Variants in VLDLR observed in about 807,000 individuals in gnomAD.
The protein encoded by VLDLR is very low-density lipoprotein receptor.
Under a neutral mutation model 112.7 loss-of-function variants are expected in VLDLR, and 81 were observed. The observed-to-expected ratio is 0.72, with a 90% CI of 0.60 to 0.86. The LOEUF is 0.86. Ranked by LOEUF, VLDLR falls within the 40% of genes least tolerant of loss-of-function variation. The pLI is 0.00. For synonymous variants in VLDLR, 436 were observed against 384.8 expected, an observed-to-expected ratio of 1.13 and a Z score of -1.56; for missense variants, 1,237 against 1,099.4, an observed-to-expected ratio of 1.13 and a Z score of -1.77.
Position 2,643,717 on chromosome 9 carries a change from G to A in VLDLR, c.910G>A (p.Val304Ile). Residue 304 changes from valine to isoleucine, a missense_variant, in exon 6 of 19, where the codon GTC (valine) becomes ATC (isoleucine). By Grantham distance (29) the Val-to-Ile change is conservative (BLOSUM62 3). Coordinates refer to ENST00000382100, the MANE Select transcript of VLDLR (RefSeq NM_003383.5). ...GCAGTGTAATGGTATCCGAGACTGT[G>A]TCGATGGTTCCGATGAAGTCAACTG... ...SRQCNGIRDC[V>I]DGSDEVNCKN... 1.2e-6 allele frequency: 2 copies of A among 1,614,212 alleles called. No homozygotes were observed. The highest frequency in any genetic ancestry group is 1.7e-6 in the Non-Finnish European group (2 of 1,180,032).
chr9:2,642,066 G>A (rs1173575898), intron 4 of VLDLR, among the ~76,000 whole-genome samples: 2 of 151,616 alleles, frequency 1.3e-5, no homozygotes, highest in Non-Finnish European at 2.9e-5. Flanking sequence ...GTCTCCTGTT[G>A]CAGTTCCTGT....
At chr9:2,636,170 A>T (rs933809911) in intron 2 of VLDLR, among the ~76,000 whole-genome samples, 3 of 152,222 alleles carry the variant, frequency 2.0e-5, no homozygotes, top group Non-Finnish European at 4.4e-5. Flanking sequence ...ACTGTGAGAA[A>T]TGCCTATGTA....
At position 2,643,766 on chromosome 9, in the gene VLDLR, T is replaced by G; in HGVS notation, c.943+16T>G. On this transcript the variant is annotated intron_variant, in intron 6 of 18. Coordinates refer to ENST00000382100, the MANE Select transcript of VLDLR (RefSeq NM_003383.5). ...TGCAAAAATGGTAAGGGTTTCTTCT[T>G]GTTGGTTAAGCAATGGATTGCTCTG... The G allele has an allele frequency of 6.2e-7, 1 of 1,614,256 alleles. No homozygotes were observed. The highest frequency in any genetic ancestry group is 8.5e-7 in the Non-Finnish European group (1 of 1,180,034).
chr9:2,626,961 G>C lies in VLDLR; in HGVS notation c.82+4690G>C, dbSNP rs137948945. On this transcript the variant is annotated intron_variant, in intron 1 of 18. Coordinates refer to ENST00000382100, the MANE Select transcript of VLDLR (RefSeq NM_003383.5). The stretch of plus-strand genomic sequence containing the variant: ...CTGTATGTTCACTAAGTAGGTTGCA[G>C]ATTGATGTTGGTCATCTTTGTGCAT... 5.9e-4 allele frequency among the ~76,000 whole-genome samples: 90 copies of C among 152,348 alleles called. 2 individuals are homozygous for C. The East Asian group carries it at 0.014, about 24-fold the overall frequency.
chr9:2,642,823 C>A (rs149251118), intron 4 of VLDLR, among the ~76,000 whole-genome samples: 5 of 152,200 alleles, frequency 3.3e-5, no homozygotes, highest in African/African-American at 1.2e-4. Context: ...GATTCAAGGA[C>A]AACTCAATCT....
chr9:2,643,425 G>C lies in VLDLR; in HGVS notation c.714G>C (p.Lys238Asn). The change falls in exon 5 of 19, where the codon AAG (lysine) becomes AAC (asparagine). Residue 238 changes from lysine to asparagine, a missense_variant. Coordinates refer to ENST00000382100, the MANE Select transcript of VLDLR (RefSeq NM_003383.5). Reference sequence around the variant, plus strand: ...GCCGTCAGCCAGTCATACACACCAAGTGTCCAGCCAGCGAAATCCAGTGCG... The same window carrying C: ...GCCGTCAGCCAGTCATACACACCAACTGTCCAGCCAGCGAAATCCAGTGCG... ...QCGRQPVIHT[K>N]CPASEIQCGS... 1 of 1,614,192 alleles carries C rather than the reference G, an allele frequency of 6.2e-7. No homozygotes were observed. Among genetic ancestry groups the C allele is most frequent in the Non-Finnish European group, 8.5e-7 (1 of 1,180,028 alleles).
At chr9:2,629,774 C>T (rs1346887492) in intron 1 of VLDLR, among the ~76,000 whole-genome samples, 1 of 152,150 alleles carries the variant, frequency 6.6e-6, no homozygotes, top group Non-Finnish European at 1.5e-5. Flanking sequence ...TTAGTGGCCC[C>T]CGAACTAGTG....
rs960103071 is a variant in VLDLR at position 2,659,222 on chromosome 9, A to C, written c.*5354A>C. ...AGGCTACAAACAATCTATGGTTCCA[A>C]ATCCTATGTGCTTACTGCCGTCTTC... On this transcript the variant is annotated 3_prime_UTR_variant, in exon 19 of 19. Transcript: ENST00000382100. 1 of 152,222 alleles carries C rather than the reference A, an allele frequency of 6.6e-6. No individual in the cohort carries two copies. The highest frequency in any genetic ancestry group is 2.4e-5 in the African/African-American group (1 of 41,450). The allele number at this position is 152,222 out of a possible 1,614,324, so 9.4% of individuals were successfully genotyped here. A position where few individuals can be genotyped will look rare whatever the true frequency, so the allele number is the denominator to read the frequency against.
rs989948626 is a variant in VLDLR at position 2,622,583 on chromosome 9, G to A, written c.82+312G>A. ...TCGCCCTCTTGACGGGCGCCGAGGT[G>A]CGTGGGCTTCTGAGCATTGAACAAT... is the stretch of plus-strand genomic sequence containing the variant. On this transcript the variant is annotated intron_variant, in intron 1 of 18. Coordinates refer to ENST00000382100, the MANE Select transcript of VLDLR (RefSeq NM_003383.5). Among the ~76,000 whole-genome samples the A allele has an allele frequency of 5.3e-5, 8 of 152,240 alleles. 1 individual carries two copies. The highest frequency in any genetic ancestry group is 2.0e-4 in the Admixed American group (3 of 15,284).
chr9:2,644,021 C>G, intron 7 of VLDLR, 62 bp downstream of exon 7: 5 of 1,612,398 alleles, frequency 3.1e-6, no homozygotes, highest in South Asian at 1.1e-5. Flanking sequence ...GTATAGCTAA[C>G]ACTGTGTGGA....
chr9:2,623,709 C>T (rs908779644), intron 1 of VLDLR, among the ~76,000 whole-genome samples: 2 of 152,098 alleles, frequency 1.3e-5, no homozygotes, highest in Non-Finnish European at 2.9e-5. Context: ...GCAGCATGGG[C>T]AGTGTTATTT....
At position 2,655,392 on chromosome 9, in the gene VLDLR, C is replaced by G. The variant is rs1347503611; in HGVS notation, c.*1524C>G. On this transcript the variant is annotated 3_prime_UTR_variant, in exon 19 of 19. Coordinates refer to ENST00000382100, the MANE Select transcript of VLDLR (RefSeq NM_003383.5). ...AGGAAAGACAAAAGACTTGAAGCAC[C>G]GGGTGCATGCTGTGTGTCACAAGTG... 2 of 152,080 alleles carry G rather than the reference C, an allele frequency of 1.3e-5. No individual in the cohort carries two copies. The highest frequency in any genetic ancestry group is 2.9e-5 in the Non-Finnish European group (2 of 68,030). The allele number at this position is 152,080 out of a possible 1,614,324, so 9.4% of individuals were successfully genotyped here. A position where few individuals can be genotyped will look rare whatever the true frequency, so the allele number is the denominator to read the frequency against.
chr9:2,645,701 C>T lies in VLDLR; in HGVS notation c.1440C>T (p.Ala480=), dbSNP rs2130796701. Residue 480 remains alanine (A), a synonymous_variant, in exon 10 of 19, where the codon GCC becomes GCT. Coordinates refer to ENST00000382100, the MANE Select transcript of VLDLR (RefSeq NM_003383.5). ...TGGCTCTCGATGCTGACATTGCTGC[C>T]CAGAAACTATTCTGGGCCGATCTAA... ...NTVALDADIA[A]QKLFWADLSQ... is the part of the protein sequence containing the mutation. 2 of 1,614,150 alleles carry T rather than the reference C, an allele frequency of 1.2e-6. No homozygotes were observed. Among genetic ancestry groups the T allele is most frequent in the Non-Finnish European group, 1.7e-6 (2 of 1,180,018 alleles).
chr9:2,643,048 G>T, intron 4 of VLDLR, 112 bp from the exon 5 acceptor site: 1 of 1,520,326 alleles, frequency 6.6e-7, no homozygotes, highest in South Asian at 1.2e-5. Context: ...CTTTAAGTTG[G>T]GCTAGTAAGT....
chr9:2,652,059 A>G (rs1818375735), intron 17 of VLDLR, 105 bp downstream of exon 17: 1 of 1,020,778 alleles, frequency 9.8e-7, no homozygotes, highest in African/African-American at 1.6e-5. Context: ...TATGCTGTCT[A>G]GCATTTATGA....
chr9:2,638,916 C>G (rs533071270), intron 2 of VLDLR, among the ~76,000 whole-genome samples: 1 of 151,804 alleles, frequency 6.6e-6, no homozygotes, highest in South Asian at 2.1e-4. Flanking sequence ...TCTTCTCTCC[C>G]TTGAATTCTA....
At position 2,622,242 on chromosome 9, in the gene VLDLR, C is replaced by A. The variant is rs938926169; in HGVS notation, c.53C>A (p.Ala18Glu). 2 of 1,498,874 alleles carry A rather than the reference C, an allele frequency of 1.3e-6. No individual in the cohort carries two copies. Among genetic ancestry groups the A allele is most frequent in the Non-Finnish European group, 1.8e-6 (2 of 1,130,792 alleles). 92.8% of individuals were successfully genotyped at this position (1,498,874 alleles called of 1,614,324 possible). The change falls in exon 1 of 19, where the codon GCG (alanine) becomes GAG (glutamate). Residue 18 changes from alanine (A) to glutamate (E), a missense_variant. Ala to Glu is a moderately radical substitution (Grantham distance 107). Transcript: ENST00000382100. ...TGGCTGCTGCTCGCGCTGTGCTGGG[C>A]GCCCCGGGAGAGCGGCGCCACCGGA... ...ALWLLLALCW[A>E]PRESGATGTG... is the part of the protein sequence containing the mutation.
chr9:2,643,013 G>A, intron 4 of VLDLR, 147 bp from the exon 5 acceptor site: 1 of 1,204,972 alleles, frequency 8.3e-7, no homozygotes, highest in Admixed American at 1.9e-5. Context: ...CTGTACAAAA[G>A]TTCTTGATTT....
chr9:2,646,571 A>G lies in VLDLR; in HGVS notation c.1703+19A>G, dbSNP rs1818086572. ...TGTCTGGGTTTGTAGTCTGTTTTCCATCACAGACTTTGGAATGGTATCTGT... is the reference window on the plus strand; with the variant it reads ...TGTCTGGGTTTGTAGTCTGTTTTCCGTCACAGACTTTGGAATGGTATCTGT... On this transcript the variant is annotated intron_variant, in intron 11 of 18. Transcript: ENST00000382100. The G allele has an allele frequency of 1.9e-6, 3 of 1,611,900 alleles. No homozygotes were observed. Among genetic ancestry groups the G allele is most frequent in the Non-Finnish European group, 2.5e-6 (3 of 1,178,340 alleles).
Sources: gnomAD v4.1 joint callset for allele counts (sites outside exome capture counted in the v4.1 genomes callset) on GRCh38, gnomAD v4.1.1 for gene constraint, MANE v1.5 for transcripts, NCBI Gene and HGNC (gene_info 2026-07-23, HGNC 2026-07-21) for gene names.